Variants in KCNMA1 observed in about 807,000 individuals in gnomAD.
KCNMA1 encodes potassium calcium-activated channel subfamily M alpha 1.
In KCNMA1, 29 loss-of-function variants were observed where a neutral mutation model predicts 140.0. That is an observed-to-expected ratio of 0.21 (90% CI 0.15 to 0.28). The LOEUF is 0.28. KCNMA1 is among the 10% of genes least tolerant of loss of function. The pLI, the probability that KCNMA1 is intolerant of heterozygous loss-of-function variation, is 1.00. For synonymous variants in KCNMA1, 612 were observed against 611.9 expected, an observed-to-expected ratio of 1.00 and a Z score of 0.00; for missense variants, 880 against 1,602.2, an observed-to-expected ratio of 0.55 and a Z score of 7.70.
intron 2 of KCNMA1, among the ~76,000 whole-genome samples, chr10:77,369,821 A>G (rs1603432513): frequency 1.3e-5 from 2 of 152,210 alleles, no homozygotes; most frequent in African/African-American, 4.8e-5. Flanking sequence ...AATGAGTCTG[A>G]TCAATAAGAT....
chr10:77,440,525 G>A (rs1363896265), intron 1 of KCNMA1, among the ~76,000 whole-genome samples: 1 of 152,216 alleles, frequency 6.6e-6, no homozygotes, highest in Non-Finnish European at 1.5e-5. Context: ...AGGGGAGGGA[G>A]CAAGACAAAA....
intron 6 of KCNMA1, among the ~76,000 whole-genome samples, chr10:77,114,508 C>CCA (rs2097404192): frequency 6.6e-6 from 1 of 152,208 alleles, no homozygotes; most frequent in Non-Finnish European, 1.5e-5. Context: ...GTCTCTCCCA[C>CCA]CACCCCTCTT....
chr10:77,356,134 G>A (rs2093459623), intron 2 of KCNMA1, among the ~76,000 whole-genome samples: 2 of 152,146 alleles, frequency 1.3e-5, no homozygotes, highest in Non-Finnish European at 2.9e-5. Flanking sequence ...GGCAGAGAAT[G>A]TCTTATTCAT....
At chr10:77,119,463 G>A (rs1282640551) in intron 6 of KCNMA1, among the ~76,000 whole-genome samples, 2 of 152,144 alleles carry the variant, frequency 1.3e-5, no homozygotes, top group South Asian at 2.1e-4. Context: ...GTCTCTTAAG[G>A]ACAAGGCTCT....
At chr10:77,120,875 C>G in intron 6 of KCNMA1, 98 bp downstream of exon 6, 2 of 739,224 alleles carry the variant, frequency 2.7e-6, no homozygotes, top group Non-Finnish European at 4.9e-6. Context: ...AATAATATAA[C>G]TATTAATAAT....
At position 77,369,900 on chromosome 10, in the gene KCNMA1, T is replaced by C. The variant is rs39683; in HGVS notation, c.540+33962A>G. Among the ~76,000 whole-genome samples the C allele has an allele frequency of 9.3e-3, 1,419 of 152,344 alleles. 14 individuals are homozygous for C. The highest frequency in any genetic ancestry group is 0.027 in the Middle Eastern group (8 of 294). ...TGCTTTCATATCCATCTCACATACC[T>C]GCTGAGTCAAGGAAACAGCTCCATA... On this transcript the variant is annotated intron_variant, in intron 2 of 27. Transcript: ENST00000286628.
chr10:77,561,031 G>A (rs976538902), intron 1 of KCNMA1, among the ~76,000 whole-genome samples: 2 of 148,760 alleles, frequency 1.3e-5, no homozygotes, highest in East Asian at 2.0e-4. Flanking sequence ...ACAGGGGAAC[G>A]GCTCCTCCTG....
intron 1 of KCNMA1, among the ~76,000 whole-genome samples, chr10:77,595,920 G>A (rs1027823937): frequency 1.3e-5 from 2 of 152,152 alleles, no homozygotes; most frequent in African/African-American, 2.4e-5. Flanking sequence ...AAAGTGCTGG[G>A]ATTACAGGCG....
At chr10:77,528,883 C>A (rs1039768483) in intron 1 of KCNMA1, among the ~76,000 whole-genome samples, 1 of 152,046 alleles carries the variant, frequency 6.6e-6, no homozygotes, top group Non-Finnish European at 1.5e-5. Context: ...AGGAAATATC[C>A]AAATAGGCCT....
At chr10:77,573,318 G>A (rs2072436139) in intron 1 of KCNMA1, among the ~76,000 whole-genome samples, 1 of 152,148 alleles carries the variant, frequency 6.6e-6, no homozygotes, top group Admixed American at 6.5e-5. Flanking sequence ...TGCATGGGCG[G>A]TGGGGATGTG....
rs80266334 is a variant in KCNMA1 at position 77,027,832 on chromosome 10, C to T, written c.1919G>A (p.Arg640Gln). 364 of 1,613,914 alleles carry T rather than the reference C, an allele frequency of 2.3e-4. No individual in the cohort carries two copies. The highest frequency in any genetic ancestry group is 8.7e-4 in the Admixed American group (52 of 60,006). The change falls in exon 16 of 28, where the codon CGA (arginine) becomes CAA (glutamine). Residue 640 changes from arginine to glutamine, a missense_variant. By Grantham distance (43) the Arg-to-Gln change is conservative (BLOSUM62 1). Coordinates refer to ENST00000286628, the MANE Select transcript of KCNMA1 (RefSeq NM_001161352.2). ...GTCACCGCAAACTTACCGGCTCTCT[C>T]GGTTGGCAGACTTGTACTCAATGGC... Reference protein sequence around the residue: ...MIAIEYKSANRESRILINPGN... With the variant: ...MIAIEYKSANQESRILINPGN...
chr10:77,239,483 G>A (rs926602730), intron 3 of KCNMA1, among the ~76,000 whole-genome samples: 1 of 152,190 alleles, frequency 6.6e-6, no homozygotes, highest in African/African-American at 2.4e-5. Context: ...TCCTTGTTAA[G>A]GACAACTGCA....
intron 1 of KCNMA1, among the ~76,000 whole-genome samples, chr10:77,454,902 G>C (rs953258745): frequency 1.3e-5 from 2 of 152,110 alleles, no homozygotes; most frequent in African/African-American, 4.8e-5. Flanking sequence ...ATGTGAACTA[G>C]ATAAACTGCA....
intron 12 of KCNMA1, among the ~76,000 whole-genome samples, chr10:77,082,416 A>C (rs1374812858): frequency 6.6e-6 from 1 of 152,144 alleles, no homozygotes; most frequent in Non-Finnish European, 1.5e-5. Context: ...TTAGGGTTTA[A>C]ATAAAATACT....
chr10:77,324,961 CTCTCTCTCTCTGTGTGTGTGTGTGTG>C (rs1440982934), intron 2 of KCNMA1, among the ~76,000 whole-genome samples: 2 of 132,380 alleles, frequency 1.5e-5, no homozygotes, highest in South Asian at 2.6e-4. Flanking sequence ...CTCTCTCTCT[CTCTCTCTCTCTGTGTGTGTGTGTGTG>C]TGTGTGTGTG....
intron 3 of KCNMA1, among the ~76,000 whole-genome samples, chr10:77,199,970 A>G (rs1022127457): frequency 1.3e-5 from 2 of 152,102 alleles, no homozygotes; most frequent in African/African-American, 2.4e-5. Flanking sequence ...CTAGTTTTTG[A>G]GACAGAGTTT....
rs1338812614 is a variant in KCNMA1, at chr10:76,885,553, A to G, written c.*1713T>C. 1.0e-6 allele frequency: 1 copy of G among 985,168 alleles called. No homozygotes were observed. The highest frequency in any genetic ancestry group is 1.2e-6 in the Non-Finnish European group (1 of 829,936). 61.0% of individuals were successfully genotyped at this position (985,168 alleles called of 1,614,324 possible). A position where few individuals can be genotyped will look rare whatever the true frequency, so the allele number is the denominator to read the frequency against. Reference sequence around the variant, plus strand: ...GGGGGATCCAAAATCTAAATCCAAAACATTCACCATAAAAACACCTTTTTA... The same window carrying G: ...GGGGGATCCAAAATCTAAATCCAAAGCATTCACCATAAAAACACCTTTTTA... On this transcript the variant is annotated 3_prime_UTR_variant, in exon 28 of 28. Coordinates refer to ENST00000286628, the MANE Select transcript of KCNMA1 (RefSeq NM_001161352.2).
chr10:77,609,574 G>A (rs1467631522), intron 1 of KCNMA1, among the ~76,000 whole-genome samples: 2 of 152,136 alleles, frequency 1.3e-5, no homozygotes, highest in African/African-American at 4.8e-5. Context: ...AAACTGCTAA[G>A]AAAAGAGATT....
At chr10:77,173,398 C>G (rs114595633) in intron 5 of KCNMA1, among the ~76,000 whole-genome samples, 4 of 152,092 alleles carry the variant, frequency 2.6e-5, no homozygotes, top group Non-Finnish European at 4.4e-5. Flanking sequence ...CCTTCTGAAG[C>G]CTCAGTTTCC....
Sources: gnomAD v4.1 joint callset for allele counts (sites outside exome capture counted in the v4.1 genomes callset) on GRCh38, gnomAD v4.1.1 for gene constraint, MANE v1.5 for transcripts, NCBI Gene and HGNC (gene_info 2026-07-23, HGNC 2026-07-21) for gene names.